Variants in ADPRHL1 observed in about 807,000 individuals in gnomAD.
ADPRHL1 encodes ADP-ribosylhydrolase like 1, also known as inactive ADP-ribosyltransferase ARH2.
In ADPRHL1, 43 loss-of-function variants were observed where a neutral mutation model predicts 44.1. The ratio of observed to expected loss-of-function variants is 0.98; its 90% confidence interval spans 0.76 to 1.26. The LOEUF is 1.26. Ranked by LOEUF, ADPRHL1 falls within the 50% of genes most tolerant of loss-of-function variation. The pLI, the probability that ADPRHL1 is intolerant of heterozygous loss-of-function variation, is 0.00. For synonymous variants in ADPRHL1, 878 were observed against 1,017.4 expected (o/e 0.86, Z 2.61); for missense variants, 2,022 against 2,496.9 (o/e 0.81, Z 4.05).
At chr13:113,447,253 C>A (rs1460312986) in intron 1 of ADPRHL1, among the ~76,000 whole-genome samples, 1 of 93,738 alleles carries the variant, frequency 1.1e-5, no homozygotes, top group Non-Finnish European at 2.1e-5. Flanking sequence ...GGCGTCTACA[C>A]GCACGGTGTT....
chr13:113,408,217 C>A lies in ADPRHL1; in HGVS notation c.1065G>T (p.Arg355=), dbSNP rs141404475. ...CGTCACTGCAGGTCTTGCTGCTCTTCCGGCTGCAGAGAAAAAGGAATCATC... is the reference window on the plus strand; with the variant it reads ...CGTCACTGCAGGTCTTGCTGCTCTTACGGCTGCAGAGAAAAAGGAATCATC... ...ALYRLSTEEN[R]KSSKTCSDVM... Residue 355 remains arginine (R), a synonymous_variant, in exon 8 of 8, where the codon CGG becomes CGT. Coordinates refer to ENST00000612156, the MANE Select transcript of ADPRHL1 (RefSeq NM_001394807.1). 17,138 of 1,232,004 alleles carry A rather than the reference C, an allele frequency of 0.014. 129 individuals are homozygous for A. Among genetic ancestry groups the A allele is most frequent in the Middle Eastern group, 0.02 (64 of 3,208 alleles). The allele number at this position is 1,232,004 out of a possible 1,614,324, so 76.3% of individuals were successfully genotyped here.
chr13:113,416,365 C>T (rs560052934), intron 7 of ADPRHL1, among the ~76,000 whole-genome samples: 3 of 152,000 alleles, frequency 2.0e-5, no homozygotes, highest in African/African-American at 7.3e-5. Flanking sequence ...CACAAAGGGG[C>T]GTCTGGTAAA....
rs559990718 is a variant in ADPRHL1, at chr13:113,430,876, G to C, written c.506-1784C>G. Among the ~76,000 whole-genome samples the C allele has an allele frequency of 2.0e-5, 3 of 152,292 alleles. No homozygotes were observed. In the South Asian group the frequency reaches 6.2e-4, roughly 32 times the overall value. Reference sequence around the variant, plus strand: ...GTTACAGTGCGAGTGGCCATGCAGGGGAGCAGTGACCCCCGTTGCCGAGCC... The same window carrying C: ...GTTACAGTGCGAGTGGCCATGCAGGCGAGCAGTGACCCCCGTTGCCGAGCC... On this transcript the variant is annotated intron_variant, in intron 3 of 7. Coordinates refer to ENST00000612156, the MANE Select transcript of ADPRHL1 (RefSeq NM_001394807.1).
intron 7 of ADPRHL1, among the ~76,000 whole-genome samples, chr13:113,417,372 G>C (rs565799715): frequency 5.4e-4 from 82 of 152,368 alleles, no homozygotes; most frequent in African/African-American, 1.9e-3. Context: ...AAGGCAGGGA[G>C]ATGCTGCCCA....
chr13:113,421,333 AC>A lies in ADPRHL1; in HGVS notation c.1061+1492del, dbSNP rs141721455. ...GACACGCCCACCCCGGGACACGCCCACCCCCGGGACACGCCCACTCCCGGGA... is the reference window on the plus strand; with the variant it reads ...GACACGCCCACCCCGGGACACGCCCACCCCGGGACACGCCCACTCCCGGGA... On this transcript the variant is annotated intron_variant, in intron 7 of 7. Transcript: ENST00000612156. 7.5e-3 allele frequency among the ~76,000 whole-genome samples: 304 copies of A among 40,562 alleles called. 10 individuals carry two copies. The highest frequency in any genetic ancestry group is 0.032 in the African/African-American group (258 of 7,960). 26.6% of individuals were successfully genotyped at this position (40,562 alleles called of 152,430 possible).
chr13:113,431,324 C>T (rs1043475558), intron 3 of ADPRHL1, among the ~76,000 whole-genome samples: 3 of 152,348 alleles, frequency 2.0e-5, no homozygotes, highest in Admixed American at 6.5e-5. Flanking sequence ...ACACGCCATG[C>T]GGAGACAGGC....
chr13:113,422,767 C>T (rs1435288832), intron 7 of ADPRHL1, 59 bp downstream of exon 7: 4 of 1,602,622 alleles, frequency 2.5e-6, no homozygotes, highest in African/African-American at 1.3e-5. Context: ...GCGAGAGGGC[C>T]CTACGGGCCC....
intron 1 of ADPRHL1, chr13:113,449,424 G>A (rs1227431548): frequency 1.1e-5 from 2 of 181,856 alleles, no homozygotes; most frequent in East Asian, 1.9e-4. Context: ...TGTTCAGAGA[G>A]ACACACCTGG....
In ADPRHL1 at chr13:113,401,215, G is replaced by A. The variant is rs991801364; in HGVS notation, c.*2163C>T. On this transcript the variant is annotated 3_prime_UTR_variant, in exon 8 of 8. Coordinates refer to ENST00000612156, the MANE Select transcript of ADPRHL1 (RefSeq NM_001394807.1). The surrounding 1 kb of genome is among the most constrained non-coding windows in gnomAD (Gnocchi z 5.5). ...CAGGGGCCGCCAACAGGACAAAGAGGCCACTCTGTCAGCCTCTGCTGGACC... is the reference window on the plus strand; with the variant it reads ...CAGGGGCCGCCAACAGGACAAAGAGACCACTCTGTCAGCCTCTGCTGGACC... 2 of 152,190 alleles carry A rather than the reference G, an allele frequency of 1.3e-5. No individual in the cohort carries two copies. The highest frequency in any genetic ancestry group is 2.9e-5 in the Non-Finnish European group (2 of 68,066). 9.4% of individuals were successfully genotyped at this position (152,190 alleles called of 1,614,324 possible). A position where few individuals can be genotyped will look rare whatever the true frequency, so the allele number is the denominator to read the frequency against.
chr13:113,407,218 G>A lies in ADPRHL1; in HGVS notation c.2064C>T (p.Pro688=), dbSNP rs1214314303. The part of the protein sequence containing the change: ...EPQRQPRPSK[P]VTPQVMAQRD... ...TCTGAGCCATCACCTGGGGTGTCAC[G>A]GGCTTCGAGGGCCTTGGCTGTCTTT... The change falls in exon 8 of 8, where the codon CCC becomes CCT. Residue 688 remains proline (P), a synonymous_variant. Transcript: ENST00000612156. 8 of 1,232,202 alleles carry A rather than the reference G, an allele frequency of 6.5e-6. No homozygotes were observed. Among genetic ancestry groups the A allele is most frequent in the Non-Finnish European group, 8.1e-6 (8 of 988,082 alleles). The allele number at this position is 1,232,202 out of a possible 1,614,324, so 76.3% of individuals were successfully genotyped here. A position where few individuals can be genotyped will look rare whatever the true frequency, so the allele number is the denominator to read the frequency against.
At chr13:113,420,848 C>T (rs1432689219) in intron 7 of ADPRHL1, among the ~76,000 whole-genome samples, 1 of 151,646 alleles carries the variant, frequency 6.6e-6, no homozygotes, top group Non-Finnish European at 1.5e-5. Flanking sequence ...ACACCTCTAC[C>T]CCTGGGACAC....
At chr13:113,415,580 A>G (rs536527884) in intron 7 of ADPRHL1, among the ~76,000 whole-genome samples, 77 of 152,198 alleles carry the variant, frequency 5.1e-4, no homozygotes, top group African/African-American at 1.9e-3. Flanking sequence ...GTGAAACCGC[A>G]ACTCTACTAA....
chr13:113,434,733 T>C (rs1487774335), intron 2 of ADPRHL1, among the ~76,000 whole-genome samples: 5 of 98,102 alleles, frequency 5.1e-5, no homozygotes, highest in East Asian at 3.5e-4. Flanking sequence ...CACCCAGGCG[T>C]AGAGTGAACA....
At chr13:113,448,255 G>A (rs958689068) in intron 1 of ADPRHL1, among the ~76,000 whole-genome samples, 15 of 151,990 alleles carry the variant, frequency 9.9e-5, no homozygotes, top group African/African-American at 3.6e-4. Context: ...AGCACTTTGG[G>A]AGGCTGGGAT....
At chr13:113,445,440 G>A (rs1209266584) in intron 1 of ADPRHL1, among the ~76,000 whole-genome samples, 1 of 152,254 alleles carries the variant, frequency 6.6e-6, no homozygotes, top group East Asian at 1.9e-4. Flanking sequence ...GGCTGTGGCA[G>A]GCGGATGCCC....
Position 113,434,689 on chromosome 13 carries a change from T to C in ADPRHL1, c.380-822A>G, listed in dbSNP as rs370989583. ...TGTACCCCGGGACCCGGCACCCAGG[T>C]GTAGAGTGAACATAGGTGTACCCCG... On this transcript the variant is annotated intron_variant, in intron 2 of 7. Coordinates refer to ENST00000612156, the MANE Select transcript of ADPRHL1 (RefSeq NM_001394807.1). 8.9e-4 allele frequency among the ~76,000 whole-genome samples: 85 copies of C among 95,466 alleles called. 1 individual carries two copies. Among genetic ancestry groups the C allele is most frequent in the African/African-American group, 2.5e-3 (61 of 24,720 alleles). 62.6% of individuals were successfully genotyped at this position (95,466 alleles called of 152,430 possible).
chr13:113,452,679 G>A (rs930338960), intron 1 of ADPRHL1, among the ~76,000 whole-genome samples: 2 of 152,174 alleles, frequency 1.3e-5, no homozygotes, highest in African/African-American at 4.8e-5. Context: ...TTGTGTATGG[G>A]CAACTCTCCA....
chr13:113,436,436 G>A (rs1172215339), intron 2 of ADPRHL1, among the ~76,000 whole-genome samples: 3 of 3,576 alleles, frequency 8.4e-4, no homozygotes, highest in Non-Finnish European at 1.4e-3. Context: ...GGTGTACCCC[G>A]GGACCCGGCA....
At chr13:113,432,236 A>C (rs1210660890) in intron 3 of ADPRHL1, among the ~76,000 whole-genome samples, 1 of 151,912 alleles carries the variant, frequency 6.6e-6, no homozygotes, top group African/African-American at 2.4e-5. Context: ...CGATCCTCCT[A>C]CATCAGTAGC....
Sources: allele counts gnomAD v4.1 joint callset (sites outside exome capture counted in the v4.1 genomes callset), GRCh38; gene constraint gnomAD v4.1.1; non-coding constraint Gnocchi (gnomAD v3.1); transcripts MANE v1.5; gene names NCBI Gene and HGNC (gene_info 2026-07-23, HGNC 2026-07-21).